NFIC: variants seen among roughly 807,000 people sequenced by gnomAD.
NFIC encodes nuclear factor I C, also known as nuclear factor 1 C-type.
NFIC carries 12 observed loss-of-function variants against 54.4 expected under a neutral mutation model. The observed-to-expected ratio is 0.22, with a 90% confidence interval of 0.14 to 0.36. The LOEUF (loss-of-function observed/expected upper bound fraction) is 0.36. Among genes scored for constraint, NFIC ranks in the 10% least tolerant of loss-of-function variants. The pLI is 1.00. For missense variants in NFIC, 575 were observed against 718.2 expected (o/e 0.80, Z 2.28); for synonymous variants, 322 against 319.2 (o/e 1.01, Z -0.09).
chr19:3,432,082 G>A (rs1254160414), intron 3 of NFIC, among the ~76,000 whole-genome samples: 2 of 152,114 alleles, frequency 1.3e-5, no homozygotes, highest in Non-Finnish European at 2.9e-5. Context: ...CTTAGTAAAC[G>A]CCTGTTGAGT....
Position 3,462,925 on chromosome 19 carries a change from C to T in NFIC, c.*156C>T, listed in dbSNP as rs2082662549. On this transcript the variant is annotated 3_prime_UTR_variant, in exon 11 of 11. Transcript: ENST00000443272. ...GCCAAAAAGACAAAACACATAGACG[C>T]ACACACTCAGGAGGAAAAGAAAAAA... is the stretch of plus-strand genomic sequence containing the variant. The T allele has an allele frequency of 6.6e-7, 1 of 1,505,956 alleles. No individual in the cohort carries two copies. Among genetic ancestry groups the T allele is most frequent in the Admixed American group, 2.3e-5 (1 of 43,308 alleles). 93.3% of individuals were successfully genotyped at this position (1,505,956 alleles called of 1,614,324 possible).
At chr19:3,387,839 C>T (rs977604807) in intron 2 of NFIC, among the ~76,000 whole-genome samples, 13 of 151,816 alleles carry the variant, frequency 8.6e-5, no homozygotes, top group African/African-American at 2.9e-4. Context: ...GGGTGCTCTC[C>T]GACCTGCCAC....
At chr19:3,404,187 G>A (rs188394202) in intron 2 of NFIC, among the ~76,000 whole-genome samples, 390 of 148,630 alleles carry the variant, frequency 2.6e-3, no homozygotes, top group Non-Finnish European at 4.7e-3. Flanking sequence ...AGGTGTTGGG[G>A]GTGGGGGTGT....
At chr19:3,410,413 T>TG (rs2081736019) in intron 2 of NFIC, among the ~76,000 whole-genome samples, 1 of 152,170 alleles carries the variant, frequency 6.6e-6, no homozygotes, top group Non-Finnish European at 1.5e-5. Context: ...TGTAGATAGC[T>TG]GAGGGAACAG....
chr19:3,452,331 T>C lies in NFIC; in HGVS notation c.1085-151T>C. On this transcript the variant is annotated intron_variant, in intron 7 of 10. Transcript: ENST00000443272. This position sits in a 1 kb window ranked among gnomAD's most constrained non-coding sequence, Gnocchi z 5.3. ...GAGTCGGGGAATTTGGGTGTCAATG[T>C]GGTCAGTGCTGCTGGGTTTTTTTGG... 4 of 919,682 alleles carry C rather than the reference T, an allele frequency of 4.3e-6. No individual in the cohort carries two copies. Among genetic ancestry groups the C allele is most frequent in the Non-Finnish European group, 6.5e-6 (4 of 616,728 alleles). 57.0% of individuals were successfully genotyped at this position (919,682 alleles called of 1,614,324 possible).
At position 3,382,152 on chromosome 19, in the gene NFIC, C is replaced by T. The variant is rs759453918; in HGVS notation, c.471C>T (p.Cys157=). Residue 157 remains cysteine, a synonymous_variant, in exon 2 of 11, where the codon TGC becomes TGT. Coordinates refer to ENST00000443272, the MANE Select transcript of NFIC (RefSeq NM_001245002.2). Reference sequence around the variant, plus strand: ...AGCGCCTGGTCAAGGCTGCGCAGTGCGGTCACCCGGTCCTGTGCGTGCAGC... The same window carrying T: ...AGCGCCTGGTCAAGGCTGCGCAGTGTGGTCACCCGGTCCTGTGCGTGCAGC... The part of the protein sequence containing the change: ...DGERLVKAAQ[C]GHPVLCVQPH... 1.8e-5 allele frequency: 29 copies of T among 1,612,898 alleles called. No individual in the cohort carries two copies. Among genetic ancestry groups the T allele is most frequent in the South Asian group, 6.6e-5 (6 of 91,082 alleles).
chr19:3,415,483 C>T (rs117549422), intron 2 of NFIC, among the ~76,000 whole-genome samples: 2,446 of 152,162 alleles, frequency 0.016, 36 homozygotes, highest in Non-Finnish European at 0.023. Context: ...GGTCTGCCTC[C>T]ACTCCCCCAA....
At chr19:3,421,865 C>T (rs896805995) in intron 2 of NFIC, among the ~76,000 whole-genome samples, 1 of 152,148 alleles carries the variant, frequency 6.6e-6, no homozygotes. Context: ...GCACCCTTGA[C>T]CTCCCAGGCT....
At chr19:3,427,750 C>T (rs1381022469) in intron 3 of NFIC, among the ~76,000 whole-genome samples, 3 of 148,698 alleles carry the variant, frequency 2.0e-5, no homozygotes, top group Non-Finnish European at 4.4e-5. Context: ...TCGCTTGAAC[C>T]CAGGAGGCAG....
At chr19:3,445,983 G>T (rs1386151452) in intron 6 of NFIC, among the ~76,000 whole-genome samples, 1 of 152,186 alleles carries the variant, frequency 6.6e-6, no homozygotes, top group Non-Finnish European at 1.5e-5. Flanking sequence ...GTGGGTGGAG[G>T]CCAGGGGTGC....
intron 2 of NFIC, among the ~76,000 whole-genome samples, chr19:3,422,529 A>G (rs1283442526): frequency 4.0e-5 from 6 of 151,324 alleles, no homozygotes; most frequent in Admixed American, 2.6e-4. Context: ...CATCCTGGCT[A>G]ACACGGTGAA....
At chr19:3,414,180 C>T (rs898552879) in intron 2 of NFIC, among the ~76,000 whole-genome samples, 1 of 152,292 alleles carries the variant, frequency 6.6e-6, no homozygotes, top group Non-Finnish European at 1.5e-5. Context: ...CAGGGCCACA[C>T]AGCCGGAAGC....
At position 3,444,429 on chromosome 19, in the gene NFIC, C is replaced by T. The variant is rs550040328; in HGVS notation, c.959-4585C>T. 8.1e-4 allele frequency among the ~76,000 whole-genome samples: 123 copies of T among 152,332 alleles called. 1 individual carries two copies. Among genetic ancestry groups the T allele is most frequent in the African/African-American group, 2.8e-3 (115 of 41,576 alleles). ...GATGGCCACTGAGATGGGCGGGGGA[C>T]GCACATGCCCGCTGGCTGAACAGGG... On this transcript the variant is annotated intron_variant, in intron 6 of 10. Coordinates refer to ENST00000443272, the MANE Select transcript of NFIC (RefSeq NM_001245002.2).
intron 2 of NFIC, 46 bp from the exon 3 acceptor site, chr19:3,425,060 G>T (rs2082006390): frequency 6.2e-7 from 1 of 1,601,776 alleles, no homozygotes; most frequent in Non-Finnish European, 8.5e-7. Flanking sequence ...TGCTCCTGGG[G>T]TGGGGTCTCT....
At chr19:3,426,970 A>T (rs966641489) in intron 3 of NFIC, among the ~76,000 whole-genome samples, 6 of 135,698 alleles carry the variant, frequency 4.4e-5, no homozygotes, top group Admixed American at 1.6e-4. Flanking sequence ...TCTGTCGCCC[A>T]GGCTAGAGTG....
chr19:3,382,079 T>C lies in NFIC; in HGVS notation c.398T>C (p.Val133Ala). 1 of 1,613,192 alleles carries C rather than the reference T, an allele frequency of 6.2e-7. No homozygotes were observed. Among genetic ancestry groups the C allele is most frequent in the Non-Finnish European group, 8.5e-7 (1 of 1,179,942 alleles). The change falls in exon 2 of 11, where the codon GTC becomes GCC. Residue 133 changes from valine (V) to alanine (A), a missense_variant. By Grantham distance (64) the Val-to-Ala change is moderately conservative. Transcript: ENST00000443272. Reference protein sequence around the residue: ...QADKVWRLDLVMVILFKGIPL... With the variant: ...QADKVWRLDLAMVILFKGIPL... ...GACAAGGTGTGGCGGCTGGACCTGG[T>C]CATGGTCATCCTGTTCAAGGGCATC...
chr19:3,409,297 C>A (rs1005535142), intron 2 of NFIC, among the ~76,000 whole-genome samples: 3 of 152,338 alleles, frequency 2.0e-5, no homozygotes, highest in East Asian at 3.9e-4. Flanking sequence ...CAGCTCTCCA[C>A]ATGGCTGGGC....
chr19:3,460,330 C>A lies in NFIC; in HGVS notation c.1510-2422C>A, dbSNP rs374364436. Among the ~76,000 whole-genome samples, 8 of 152,268 alleles carry A rather than the reference C, an allele frequency of 5.3e-5. No individual in the cohort carries two copies. The East Asian group carries it at 1.2e-3, about 22-fold the overall frequency. On this transcript the variant is annotated intron_variant, in intron 10 of 10. Coordinates refer to ENST00000443272, the MANE Select transcript of NFIC (RefSeq NM_001245002.2). ...GCAGGAGCAGAAATGAGAGCCAGAG[C>A]CAGACAGGCCTGAGTTCAAGTTCCA...
chr19:3,434,167 G>T, intron 4 of NFIC, 110 bp from the exon 5 acceptor site: 1 of 1,457,724 alleles, frequency 6.9e-7, no homozygotes, highest in African/African-American at 1.4e-5. Flanking sequence ...GCCAATATGG[G>T]AAGGGGGTCC....
Sources: allele counts gnomAD v4.1 joint callset (sites outside exome capture counted in the v4.1 genomes callset), GRCh38; gene constraint gnomAD v4.1.1; non-coding constraint Gnocchi (gnomAD v3.1); transcripts MANE v1.5; gene names NCBI Gene and HGNC (gene_info 2026-07-23, HGNC 2026-07-21).